The following CAPN13 variants were observed in gnomAD, a reference collection of about 807,000 sequenced individuals.
The protein encoded by CAPN13 is calpain-13.
In CAPN13, 90 loss-of-function variants were observed where a neutral mutation model predicts 98.4. The observed-to-expected ratio is 0.92, with a 90% CI of 0.77 to 1.09. CAPN13 has a LOEUF of 1.09. Ranked by LOEUF, CAPN13 falls within the 50% of genes least tolerant of loss-of-function variation. The pLI is 0.00. For synonymous variants in CAPN13, 330 were observed against 305.5 expected (o/e 1.08, Z -0.84); for missense variants, 887 against 841.3 (o/e 1.05, Z -0.67).
chr2:30,730,604 A>G (rs1671034865), intron 22 of CAPN13, 126 bp downstream of exon 22: 1 of 603,908 alleles, frequency 1.7e-6, no homozygotes, highest in Admixed American at 3.0e-5. Flanking sequence ...GCCTTGGTTC[A>G]CTTATGTAAG....
intron 11 of CAPN13, chr2:30,746,296 T>TA (rs1439700635): frequency 6.5e-6 from 1 of 154,252 alleles, no homozygotes; most frequent in Non-Finnish European, 1.4e-5. Context: ...CACCATCACT[T>TA]AGAGTCTTCA....
intron 2 of CAPN13, among the ~76,000 whole-genome samples, chr2:30,786,266 T>C (rs1370208006): frequency 2.6e-5 from 4 of 152,234 alleles, no homozygotes; most frequent in African/African-American, 9.6e-5. Flanking sequence ...ATGATTAGCT[T>C]ACTAGACATT....
chr2:30,806,523 C>T (rs76797840), intron 1 of CAPN13, among the ~76,000 whole-genome samples: 1 of 152,136 alleles, frequency 6.6e-6, no homozygotes, highest in Admixed American at 6.5e-5. Context: ...TCGGGGGTAA[C>T]CAAAGTTGTG....
intron 5 of CAPN13, among the ~76,000 whole-genome samples, chr2:30,767,142 A>G (rs948690510): frequency 6.6e-6 from 1 of 152,304 alleles, no homozygotes; most frequent in African/African-American, 2.4e-5. Flanking sequence ...TCTGCATGTG[A>G]TCTTGGGCCA....
At chr2:30,731,557 T>A (rs768652352) in intron 20 of CAPN13, among the ~76,000 whole-genome samples, 158 bp from the exon 21 acceptor site, 5 of 151,976 alleles carry the variant, frequency 3.3e-5, no homozygotes, top group Non-Finnish European at 5.9e-5. Context: ...CTTTTCTCTG[T>A]CTAGCCGAGC....
chr2:30,755,623 A>G (rs1672405078), intron 8 of CAPN13, among the ~76,000 whole-genome samples: 1 of 152,086 alleles, frequency 6.6e-6, no homozygotes, highest in East Asian at 1.9e-4. Context: ...GCATGCTTGT[A>G]AGCAATGGGT....
At chr2:30,796,377 T>A (rs1453855910) in intron 1 of CAPN13, among the ~76,000 whole-genome samples, 2 of 151,902 alleles carry the variant, frequency 1.3e-5, no homozygotes, top group Non-Finnish European at 2.9e-5. Flanking sequence ...CATAGTAAAG[T>A]AGAATACAGT....
At chr2:30,788,221 T>C (rs1674419710) in intron 1 of CAPN13, among the ~76,000 whole-genome samples, 1 of 152,256 alleles carries the variant, frequency 6.6e-6, no homozygotes, top group African/African-American at 2.4e-5. Flanking sequence ...TGTGAACCTA[T>C]TTCTCCACCT....
At chr2:30,801,857 G>A (rs997164788) in intron 1 of CAPN13, among the ~76,000 whole-genome samples, 5 of 152,090 alleles carry the variant, frequency 3.3e-5, no homozygotes, top group African/African-American at 9.7e-5. Flanking sequence ...CAGCATTGAC[G>A]GTGCCAGAAT....
At chr2:30,790,013 G>T (rs1001714397) in intron 1 of CAPN13, among the ~76,000 whole-genome samples, 1 of 152,220 alleles carries the variant, frequency 6.6e-6, no homozygotes, top group Non-Finnish European at 1.5e-5. Context: ...TGCTGCGGAG[G>T]TGGGCTGTTC....
At chr2:30,766,414 C>T (rs553360958) in intron 5 of CAPN13, among the ~76,000 whole-genome samples, 1 of 152,352 alleles carries the variant, frequency 6.6e-6, no homozygotes, top group African/African-American at 2.4e-5. Context: ...ATCCACAACG[C>T]CCATGAAACC....
rs141060011 is a variant in CAPN13, at chr2:30,779,461, G to T, written c.199-1822C>A. The stretch of plus-strand genomic sequence containing the variant: ...CCCTTGCTGAGGGCGGGTACCTTGG[G>T]TTCTCTCTGGTAGGCTCCCAACAGC... On this transcript the variant is annotated intron_variant, in intron 2 of 22. Coordinates refer to ENST00000295055, the MANE Select transcript of CAPN13 (RefSeq NM_144575.3). 3.2e-3 allele frequency among the ~76,000 whole-genome samples: 492 copies of T among 152,306 alleles called. 3 individuals are homozygous for T. The highest frequency in any genetic ancestry group is 0.011 in the African/African-American group (470 of 41,556).
At chr2:30,742,452 G>T in intron 13 of CAPN13, 93 bp from the exon 14 acceptor site, 2 of 1,392,410 alleles carry the variant, frequency 1.4e-6, no homozygotes, top group South Asian at 1.2e-5. Flanking sequence ...ACTGGATATT[G>T]ATGCCAAGTT....
intron 4 of CAPN13, among the ~76,000 whole-genome samples, chr2:30,773,688 C>T (rs1673527253): frequency 6.6e-6 from 1 of 152,118 alleles, no homozygotes; most frequent in African/African-American, 2.4e-5. Flanking sequence ...AAGAACATAG[C>T]AGGAAAAGTG....
At chr2:30,774,410 A>C (rs1261067346) in intron 4 of CAPN13, among the ~76,000 whole-genome samples, 1 of 152,172 alleles carries the variant, frequency 6.6e-6, no homozygotes, top group African/African-American at 2.4e-5. Flanking sequence ...CAACAGATCG[A>C]CTGGATAAAG....
At chr2:30,782,587 T>C (rs1674041441) in intron 2 of CAPN13, among the ~76,000 whole-genome samples, 1 of 152,220 alleles carries the variant, frequency 6.6e-6, no homozygotes, top group East Asian at 1.9e-4. Context: ...AATGATCCTT[T>C]CAGAAACTGC....
At chr2:30,803,962 C>T (rs908120884) in intron 1 of CAPN13, among the ~76,000 whole-genome samples, 19 of 152,142 alleles carry the variant, frequency 1.2e-4, no homozygotes, top group African/African-American at 4.1e-4. Context: ...ATGAGCTCTG[C>T]AGATTGGTAA....
At chr2:30,734,946 C>T (rs1671283587) in intron 18 of CAPN13, among the ~76,000 whole-genome samples, 1 of 152,228 alleles carries the variant, frequency 6.6e-6, no homozygotes, top group Non-Finnish European at 1.5e-5. Context: ...GTTTCCTCAT[C>T]TGTAGCAAAG....
intron 7 of CAPN13, among the ~76,000 whole-genome samples, chr2:30,761,717 C>T (rs142211073): frequency 6.6e-6 from 1 of 152,170 alleles, no homozygotes; most frequent in Admixed American, 6.5e-5. Flanking sequence ...GTGCTGAGGT[C>T]AATTTTGGAC....
Sources: allele counts gnomAD v4.1 joint callset (sites outside exome capture counted in the v4.1 genomes callset), GRCh38; gene constraint gnomAD v4.1.1; transcripts MANE v1.5; gene names NCBI Gene and HGNC (gene_info 2026-07-23, HGNC 2026-07-21).